Variants in UBASH3A observed in about 807,000 individuals in gnomAD.
UBASH3A encodes the protein ubiquitin associated and SH3 domain containing A.
Under a neutral mutation model 73.5 loss-of-function variants are expected in UBASH3A, and 63 were observed. That is an observed-to-expected ratio of 0.86 (90% CI 0.70 to 1.06). The LOEUF (loss-of-function observed/expected upper bound fraction) is 1.06, where lower values mean the gene tolerates loss of function less well. Ranked by LOEUF, UBASH3A falls within the 50% of genes least tolerant of loss-of-function variation. The probability of loss-of-function intolerance (pLI) is 0.00; values close to 1 mark genes in which losing one functional copy is unlikely to be tolerated. For missense variants in UBASH3A, 860 were observed against 859.0 expected, an observed-to-expected ratio of 1.00 and a Z score of -0.02; for synonymous variants, 363 against 351.1, an observed-to-expected ratio of 1.03 and a Z score of -0.38.
intron 6 of UBASH3A, among the ~76,000 whole-genome samples, chr21:42,416,963 C>A (rs2053224835): frequency 1.3e-5 from 2 of 151,740 alleles, no homozygotes; most frequent in Non-Finnish European, 2.9e-5. Context: ...CGGCCACTCA[C>A]CTGACAGCAT....
At chr21:42,428,395 G>A (rs2053475933) in intron 8 of UBASH3A, among the ~76,000 whole-genome samples, 1 of 152,128 alleles carries the variant, frequency 6.6e-6, no homozygotes, top group South Asian at 2.1e-4. Context: ...CTGGGTCCAT[G>A]AGAAATGGCG....
Position 42,439,524 on chromosome 21 carries a change from C to T in UBASH3A, c.1486+1944C>T, listed in dbSNP as rs571091625. Among the ~76,000 whole-genome samples, 27 of 152,240 alleles carry T rather than the reference C, an allele frequency of 1.8e-4. No individual in the cohort carries two copies. The South Asian group carries it at 5.4e-3, about 30-fold the overall frequency. ...TCTTTGACCAAACCACGAAAGGACT[C>T]GCGAATCCCCAAAGGCCTGACGGCA... On this transcript the variant is annotated intron_variant, in intron 11 of 14. Transcript: ENST00000319294.
intron 1 of UBASH3A, 68 bp downstream of exon 1, chr21:42,404,126 G>C (rs143788285): frequency 1.1e-6 from 1 of 908,534 alleles, no homozygotes; most frequent in Admixed American, 3.9e-5. Flanking sequence ...TGCGGCCCCC[G>C]GCATGGAGCT....
chr21:42,419,960 T>C (rs1347210890), intron 7 of UBASH3A, among the ~76,000 whole-genome samples: 1 of 152,210 alleles, frequency 6.6e-6, no homozygotes, highest in Non-Finnish European at 1.5e-5. Flanking sequence ...GTAGGTTAGG[T>C]GCATTAAATG....
At chr21:42,415,086 G>A (rs1012182331) in intron 5 of UBASH3A, among the ~76,000 whole-genome samples, 1 of 152,192 alleles carries the variant, frequency 6.6e-6, no homozygotes, top group Non-Finnish European at 1.5e-5. Flanking sequence ...TGAAGTGGCC[G>A]AGGTCCCTCT....
rs953370598 is a variant in UBASH3A at position 42,413,745 on chromosome 21, G to A, written c.667+222G>A. ...GGCCTCCCCACCCCAGCCTTGAGTG[G>A]GAGACACACAAGTCCTACGTGACTT... On this transcript the variant is annotated intron_variant, in intron 5 of 14. Coordinates refer to ENST00000319294, the MANE Select transcript of UBASH3A (RefSeq NM_018961.4). This position sits in a 1 kb window ranked among gnomAD's most constrained non-coding sequence, Gnocchi z 4.5. Among the ~76,000 whole-genome samples, 6 of 152,258 alleles carry A rather than the reference G, an allele frequency of 3.9e-5. No individual in the cohort carries two copies. Among genetic ancestry groups the A allele is most frequent in the African/African-American group, 1.4e-4 (6 of 41,546 alleles).
intron 8 of UBASH3A, among the ~76,000 whole-genome samples, chr21:42,428,506 A>G (rs2053477593): frequency 6.6e-6 from 1 of 152,126 alleles, no homozygotes; most frequent in Admixed American, 6.5e-5. Context: ...TGTTTTTAAT[A>G]AGGACTTTCA....
At chr21:42,437,188 C>G (rs1325845957) in intron 10 of UBASH3A, among the ~76,000 whole-genome samples, 1 of 152,250 alleles carries the variant, frequency 6.6e-6, no homozygotes, top group East Asian at 1.9e-4. Context: ...CTTCACACTT[C>G]TCTGACTTTT....
rs1013685599 is a variant in UBASH3A, at chr21:42,437,501, G to A, written c.1407G>A (p.Leu469=). 1 of 1,614,094 alleles carries A rather than the reference G, an allele frequency of 6.2e-7. No individual in the cohort carries two copies. The highest frequency in any genetic ancestry group is 1.3e-5 in the African/African-American group (1 of 74,930). ...ACTATTTTCCAGGGGACGCGCTACTGGACAGTGGTATCAGAATCAGCTCTG... is the reference window on the plus strand; with the variant it reads ...ACTATTTTCCAGGGGACGCGCTACTAGACAGTGGTATCAGAATCAGCTCTG... The part of the protein sequence containing the change: ...FQSRIAGDAL[L]DSGIRISSVF... Residue 469 remains leucine (L), a synonymous_variant, in exon 11 of 15, where the codon CTG becomes CTA. Transcript: ENST00000319294.
intron 8 of UBASH3A, 107 bp from the exon 9 acceptor site, chr21:42,431,994 GAA>G: frequency 1.5e-6 from 1 of 660,360 alleles, no homozygotes; most frequent in Non-Finnish European, 2.8e-6. Flanking sequence ...ACTAACGAAG[GAA>G]AAGATTCCCT....
At position 42,409,495 on chromosome 21, in the gene UBASH3A, A is replaced by G. The variant is rs1233021262; in HGVS notation, c.241A>G (p.Thr81Ala). ...PQEYALFLCP[T>A]GPLLEKLQEF... ...GGAGTATGCCCTTTTCCTCTGTCCAACGGGGCCCCTGCTGGAAAAACTTCA... is the reference window on the plus strand; with the variant it reads ...GGAGTATGCCCTTTTCCTCTGTCCAGCGGGGCCCCTGCTGGAAAAACTTCA... The change falls in exon 3 of 15, where the codon ACG becomes GCG. Residue 81 changes from threonine to alanine, a missense_variant. Thr to Ala is a moderately conservative substitution (Grantham distance 58). Coordinates refer to ENST00000319294, the MANE Select transcript of UBASH3A (RefSeq NM_018961.4). 9.3e-6 allele frequency: 15 copies of G among 1,613,936 alleles called. No homozygotes were observed. The highest frequency in any genetic ancestry group is 1.3e-5 in the Non-Finnish European group (15 of 1,180,006).
chr21:42,427,108 A>T (rs2053449944), intron 8 of UBASH3A, among the ~76,000 whole-genome samples: 1 of 152,000 alleles, frequency 6.6e-6, no homozygotes, highest in Non-Finnish European at 1.5e-5. Flanking sequence ...TCCCTCATTC[A>T]TGAGCCAAGA....
chr21:42,426,617 C>T (rs1463553583), intron 7 of UBASH3A, 80 bp from the exon 8 acceptor site: 5 of 1,532,494 alleles, frequency 3.3e-6, no homozygotes, highest in African/African-American at 2.7e-5. Flanking sequence ...TTCTCAAGTA[C>T]ATACATGACC....
rs940411156 is a variant in UBASH3A at position 42,423,587 on chromosome 21, G to T, written c.1047-3110G>T. Among the ~76,000 whole-genome samples, 3 of 152,290 alleles carry T rather than the reference G, an allele frequency of 2.0e-5. 1 individual carries two copies. Among genetic ancestry groups the T allele is most frequent in the East Asian group, 1.9e-4 (1 of 5,180 alleles). On this transcript the variant is annotated intron_variant, in intron 7 of 14. Transcript: ENST00000319294. ...ATGTCCTTCGCTCTCTGCCCGGGAT[G>T]GGAGAGTTTCACAGTCACAGAGGAA...
chr21:42,416,576 CT>C lies in UBASH3A; in HGVS notation c.803del (p.Leu268ProfsTer14), dbSNP rs755255195. The C allele has an allele frequency of 6.2e-7, 1 of 1,606,792 alleles. No homozygotes were observed. Among genetic ancestry groups the C allele is most frequent in the African/African-American group, 1.3e-5 (1 of 74,602 alleles). ...LGHSCQWTAALYSRDMRFVHY... is the reference protein window; with the variant it reads ...LGHSCQWTAAXYSRDMRFVHY... ...CCACAGCTGCCAGTGGACCGCAGCA[CT>C]CTACTCCCGAGACATGCGCTTTGTG... On this transcript the variant is annotated frameshift_variant, in exon 6 of 15. Coordinates refer to ENST00000319294, the MANE Select transcript of UBASH3A (RefSeq NM_018961.4). LOFTEE classifies it high-confidence loss of function.
chr21:42,420,073 G>GT (rs989322653), intron 7 of UBASH3A, among the ~76,000 whole-genome samples: 12 of 152,208 alleles, frequency 7.9e-5, no homozygotes, highest in African/African-American at 2.9e-4. Context: ...ACCAAATTTA[G>GT]TAAAAGTTTA....
intron 13 of UBASH3A, 48 bp downstream of exon 13, chr21:42,443,466 A>C: frequency 6.7e-7 from 1 of 1,485,876 alleles, no homozygotes; most frequent in Non-Finnish European, 9.1e-7. Context: ...GGGCTTGGGG[A>C]ATTATCTCTG....
intron 8 of UBASH3A, among the ~76,000 whole-genome samples, 162 bp from the exon 9 acceptor site, chr21:42,431,941 C>T (rs1252488504): frequency 1.3e-5 from 2 of 152,112 alleles, no homozygotes; most frequent in African/African-American, 4.8e-5. Context: ...ATTTCATGTC[C>T]TCTTTCATTC....
chr21:42,427,009 G>T (rs988074241), intron 8 of UBASH3A, among the ~76,000 whole-genome samples, 189 bp downstream of exon 8: 1 of 152,148 alleles, frequency 6.6e-6, no homozygotes, highest in African/African-American at 2.4e-5. Flanking sequence ...TGGTCTGTCT[G>T]CTCTGGGCAG....
Sources: gnomAD v4.1 joint callset for allele counts (sites outside exome capture counted in the v4.1 genomes callset) on GRCh38, gnomAD v4.1.1 for gene constraint, Gnocchi (gnomAD v3.1) non-coding constraint, MANE v1.5 for transcripts, NCBI Gene and HGNC (gene_info 2026-07-23, HGNC 2026-07-21) for gene names.